The following BMERB1 variants were observed in gnomAD, a reference collection of about 807,000 sequenced individuals.
BMERB1 encodes bMERB domain containing 1.
BMERB1 carries 12 observed loss-of-function variants against 23.6 expected under a neutral mutation model. The ratio of observed to expected loss-of-function variants is 0.51; its 90% CI spans 0.33 to 0.82. The LOEUF is 0.82. BMERB1 is among the 40% of genes least tolerant of loss of function. The pLI, the probability that BMERB1 is intolerant of heterozygous loss-of-function variation, is 0.03. For missense variants in BMERB1, 247 were observed against 255.4 expected (o/e 0.97, Z 0.22); for synonymous variants, 122 against 96.6 (o/e 1.26, Z -1.54).
intron 1 of BMERB1, among the ~76,000 whole-genome samples, chr16:15,492,811 C>T (rs541879605): frequency 1.5e-3 from 231 of 151,958 alleles, no homozygotes; most frequent in African/African-American, 5.3e-3. Context: ...CCCAGCTACT[C>T]GGGAGGCTAA....
intron 1 of BMERB1, among the ~76,000 whole-genome samples, chr16:15,488,669 T>TAAAA (rs35263139): frequency 4.5e-5 from 6 of 132,822 alleles, no homozygotes; most frequent in Admixed American, 7.6e-5. Context: ...CCATCTCTAC[T>TAAAA]AAAAAAAAAA....
chr16:15,523,899 A>G (rs1345735680), intron 2 of BMERB1, among the ~76,000 whole-genome samples: 1 of 152,240 alleles, frequency 6.6e-6, no homozygotes. Flanking sequence ...GATGGGATTC[A>G]CTGTGGTTTC....
intron 3 of BMERB1, among the ~76,000 whole-genome samples, chr16:15,569,250 AG>A (rs1003918322): frequency 6.6e-6 from 1 of 152,118 alleles, no homozygotes; most frequent in African/African-American, 2.4e-5. Flanking sequence ...TAATTTATAA[AG>A]AAAATAAGTT....
chr16:15,507,101 G>A (rs906450663), intron 1 of BMERB1, among the ~76,000 whole-genome samples: 1 of 152,210 alleles, frequency 6.6e-6, no homozygotes, highest in Non-Finnish European at 1.5e-5. Context: ...GGCAGAGGTT[G>A]TGCAGGGCAC....
intron 3 of BMERB1, among the ~76,000 whole-genome samples, chr16:15,568,492 G>T (rs1188093956): frequency 2.6e-5 from 4 of 152,052 alleles, no homozygotes; most frequent in African/African-American, 9.7e-5. Flanking sequence ...ACAAAAATTA[G>T]CCAGGTGTGG....
intron 1 of BMERB1, among the ~76,000 whole-genome samples, chr16:15,440,706 A>G (rs548926815): frequency 6.6e-6 from 1 of 152,316 alleles, no homozygotes; most frequent in East Asian, 1.9e-4. Flanking sequence ...CACTCCATAA[A>G]TAGGTACTGA....
chr16:15,526,287 G>GA (rs1478487354), intron 2 of BMERB1, among the ~76,000 whole-genome samples: 6 of 152,102 alleles, frequency 3.9e-5, no homozygotes, highest in Non-Finnish European at 7.3e-5. Context: ...ATACAGCAGT[G>GA]AAAAATGAAT....
At chr16:15,496,925 G>A (rs2051478858) in intron 1 of BMERB1, among the ~76,000 whole-genome samples, 1 of 152,184 alleles carries the variant, frequency 6.6e-6, no homozygotes, top group Admixed American at 6.5e-5. Flanking sequence ...GAGCCAGGCA[G>A]GGGCAGAGCC....
chr16:15,523,359 T>C (rs1359070579), intron 2 of BMERB1, among the ~76,000 whole-genome samples: 1 of 151,998 alleles, frequency 6.6e-6, no homozygotes, highest in African/African-American at 2.4e-5. Flanking sequence ...GCCAGGGTGG[T>C]CTTGGGAAAT....
intron 1 of BMERB1, among the ~76,000 whole-genome samples, chr16:15,476,492 G>T (rs146771488): frequency 2.8e-4 from 43 of 152,328 alleles, no homozygotes; most frequent in African/African-American, 9.6e-4. Context: ...TTGCTGCCAG[G>T]TGGGTGTGGA....
chr16:15,504,157 T>C (rs1290937019), intron 1 of BMERB1, among the ~76,000 whole-genome samples: 1 of 152,202 alleles, frequency 6.6e-6, no homozygotes, highest in African/African-American at 2.4e-5. Context: ...AGAGCTGGAC[T>C]CTGAAACCCA....
intron 1 of BMERB1, among the ~76,000 whole-genome samples, chr16:15,483,315 T>C (rs1322903659): frequency 1.3e-5 from 2 of 152,238 alleles, no homozygotes; most frequent in Non-Finnish European, 2.9e-5. Context: ...TCTGTGTTTC[T>C]ATGCTCTTCC....
chr16:15,437,313 G>T (rs919248252), intron 1 of BMERB1, among the ~76,000 whole-genome samples: 1 of 152,160 alleles, frequency 6.6e-6, no homozygotes, highest in African/African-American at 2.4e-5. Flanking sequence ...GACTTTAGGA[G>T]TATTGCTAAG....
At chr16:15,451,208 T>C (rs545904691) in intron 1 of BMERB1, among the ~76,000 whole-genome samples, 1 of 152,076 alleles carries the variant, frequency 6.6e-6, no homozygotes, top group African/African-American at 2.4e-5. Context: ...TGAGACAGAG[T>C]CTCCCTCTCT....
chr16:15,575,268 C>A (rs2030829536), intron 3 of BMERB1, among the ~76,000 whole-genome samples: 1 of 152,092 alleles, frequency 6.6e-6, no homozygotes, highest in Non-Finnish European at 1.5e-5. Flanking sequence ...TGGTAGGGTC[C>A]TGGGTTTCTG....
At chr16:15,516,034 A>T (rs2051747879) in intron 2 of BMERB1, among the ~76,000 whole-genome samples, 1 of 151,374 alleles carries the variant, frequency 6.6e-6, no homozygotes, top group African/African-American at 2.4e-5. Flanking sequence ...CTGAGGTGGG[A>T]GGACTGCTTG....
intron 1 of BMERB1, among the ~76,000 whole-genome samples, chr16:15,478,679 A>C (rs1036398272): frequency 6.6e-6 from 1 of 152,216 alleles, no homozygotes; most frequent in Non-Finnish European, 1.5e-5. Context: ...ACAGTGCCAA[A>C]GCATTGGTGG....
intron 2 of BMERB1, among the ~76,000 whole-genome samples, chr16:15,541,721 C>T (rs1053071880): frequency 2.5e-4 from 37 of 150,806 alleles, no homozygotes; most frequent in African/African-American, 7.6e-4. Context: ...CCTGCCTCAG[C>T]CTCCCGAGTA....
intron 1 of BMERB1, among the ~76,000 whole-genome samples, chr16:15,475,577 G>A (rs1201465109): frequency 6.6e-6 from 1 of 151,914 alleles, no homozygotes; most frequent in Non-Finnish European, 1.5e-5. Context: ...AATTGTCCTG[G>A]CAATAACATG....
Sources: allele counts gnomAD v4.1 joint callset (sites outside exome capture counted in the v4.1 genomes callset), GRCh38; gene constraint gnomAD v4.1.1; transcripts MANE v1.5; gene names NCBI Gene and HGNC (gene_info 2026-07-23, HGNC 2026-07-21).